KDM3A: variants seen among roughly 807,000 people sequenced by gnomAD.
The protein encoded by KDM3A is lysine-specific demethylase 3A.
Under a neutral mutation model 158.0 loss-of-function variants are expected in KDM3A, and 60 were observed. The ratio of observed to expected loss-of-function variants is 0.38; its 90% CI spans 0.31 to 0.47. KDM3A has a LOEUF of 0.47. Ranked by LOEUF, KDM3A falls within the 20% of genes least tolerant of loss-of-function variation. The probability of loss-of-function intolerance (pLI) is 0.99; values close to 1 mark genes in which losing one functional copy is unlikely to be tolerated. For missense variants in KDM3A, 1,319 were observed against 1,574.3 expected (o/e 0.84, Z 2.74); for synonymous variants, 608 against 549.3 (o/e 1.11, Z -1.49).
At chr2:86,472,543 A>G (rs1573186409) in intron 11 of KDM3A, among the ~76,000 whole-genome samples, 1 of 152,052 alleles carries the variant, frequency 6.6e-6, no homozygotes, top group Non-Finnish European at 1.5e-5. Context: ...TGTTATGACT[A>G]TCTCTAATTT....
chr2:86,441,722 A>G (rs940268716), intron 1 of KDM3A, among the ~76,000 whole-genome samples: 4 of 150,954 alleles, frequency 2.6e-5, no homozygotes, highest in Non-Finnish European at 4.4e-5. Context: ...GGGGCTGAGC[A>G]CTTTCAAATC....
chr2:86,452,306 G>A (rs907649179), intron 4 of KDM3A, among the ~76,000 whole-genome samples: 16 of 151,504 alleles, frequency 1.1e-4, no homozygotes, highest in East Asian at 1.9e-4. Flanking sequence ...AGCTTCATTC[G>A]TCTGAGTTAT....
At chr2:86,441,722 A>C (rs940268716) in intron 1 of KDM3A, among the ~76,000 whole-genome samples, 1 of 150,954 alleles carries the variant, frequency 6.6e-6, no homozygotes, top group East Asian at 1.9e-4. Flanking sequence ...GGGGCTGAGC[A>C]CTTTCAAATC....
At position 86,452,180 on chromosome 2, in the gene KDM3A, T is replaced by C. The variant is rs974649921; in HGVS notation, c.453+967T>C. ...GGTGTGCTTTTTGCAGTCTATTTAG[T>C]GCTGCATTTTTGTGCTTTTTTTTTT... On this transcript the variant is annotated intron_variant, in intron 4 of 25. Coordinates refer to ENST00000312912, the MANE Select transcript of KDM3A (RefSeq NM_018433.6). 2.7e-5 allele frequency among the ~76,000 whole-genome samples: 4 copies of C among 146,584 alleles called. No homozygotes were observed. In the Admixed American group the frequency reaches 2.8e-4, roughly 10 times the overall value.
intron 10 of KDM3A, among the ~76,000 whole-genome samples, chr2:86,468,425 A>G (rs1673254832): frequency 6.6e-6 from 1 of 152,214 alleles, no homozygotes; most frequent in African/African-American, 2.4e-5. Context: ...ATATTATGTG[A>G]CGAAACAGTA....
At chr2:86,442,594 G>A (rs1682779251) in intron 2 of KDM3A, 1 of 175,046 alleles carries the variant, frequency 5.7e-6, no homozygotes, top group East Asian at 1.5e-4. Flanking sequence ...AAGAATTGAA[G>A]GTTAGTGCTT....
chr2:86,439,053 C>A (rs112865260), upstream of KDM3A, among the ~76,000 whole-genome samples: 3 of 151,738 alleles, frequency 2.0e-5, no homozygotes, highest in African/African-American at 7.3e-5. Context: ...TTCTGTGGTA[C>A]GTAACTTATA....
chr2:86,461,258 T>G (rs1672917724), intron 8 of KDM3A, among the ~76,000 whole-genome samples: 1 of 152,148 alleles, frequency 6.6e-6, no homozygotes, highest in African/African-American at 2.4e-5. Context: ...TGAATCACCC[T>G]TGTAAAAATA....
At chr2:86,437,554 G>A (rs1682511068), upstream of KDM3A, among the ~76,000 whole-genome samples, 1 of 151,760 alleles carries the variant, frequency 6.6e-6, no homozygotes, top group Non-Finnish European at 1.5e-5. Context: ...ATATACACTG[G>A]GTCTGTTTCT....
chr2:86,442,420 C>T, intron 2 of KDM3A, 187 bp downstream of exon 2: 1 of 586,320 alleles, frequency 1.7e-6, no homozygotes, highest in Non-Finnish European at 3.0e-6. Flanking sequence ...GTTTGGCCCA[C>T]AGCTCCTGGC....
intron 11 of KDM3A, among the ~76,000 whole-genome samples, chr2:86,473,195 G>T (rs768352618): frequency 2.0e-5 from 3 of 152,166 alleles, no homozygotes; most frequent in Non-Finnish European, 4.4e-5. Context: ...ATCTTGCTCT[G>T]CTGCCCAGGC....
intron 4 of KDM3A, among the ~76,000 whole-genome samples, chr2:86,452,602 A>G (rs571220770): frequency 1.3e-5 from 2 of 152,182 alleles, no homozygotes; most frequent in Non-Finnish European, 2.9e-5. Context: ...CATCTTTTAG[A>G]TATCATTTAT....
intron 9 of KDM3A, among the ~76,000 whole-genome samples, chr2:86,464,932 G>C (rs1347302743): frequency 2.0e-5 from 3 of 152,194 alleles, no homozygotes; most frequent in Non-Finnish European, 4.4e-5. Flanking sequence ...CTGGGAAAAA[G>C]TAGTCAGTCT....
intron 9 of KDM3A, among the ~76,000 whole-genome samples, chr2:86,464,611 G>A (rs905402960): frequency 6.6e-6 from 1 of 152,200 alleles, no homozygotes; most frequent in Non-Finnish European, 1.5e-5. Flanking sequence ...ATTGACCCAA[G>A]TATAGTTGAG....
chr2:86,441,860 C>T, intron 1 of KDM3A, 158 bp from the exon 2 acceptor site: 2 of 168,332 alleles, frequency 1.2e-5, no homozygotes, highest in Non-Finnish European at 8.7e-6. Flanking sequence ...GGGAGGGCGG[C>T]GGGGGGCGGG....
intron 11 of KDM3A, among the ~76,000 whole-genome samples, chr2:86,473,022 C>G (rs1376737119): frequency 2.6e-5 from 4 of 152,200 alleles, no homozygotes; most frequent in Admixed American, 6.5e-5. Flanking sequence ...AGTCAGCAGT[C>G]AGCACTTCCT....
Position 86,477,977 on chromosome 2 carries a change from G to A in KDM3A, c.2040G>A (p.Gly680=), listed in dbSNP as rs142904861. Residue 680 remains glycine (G), a synonymous_variant, in exon 13 of 26, where the codon GGG becomes GGA. Coordinates refer to ENST00000312912, the MANE Select transcript of KDM3A (RefSeq NM_018433.6). ...TGCACTGGGTGTGTCCTCGGTGTGG[G>A]TTTGGAGTATGTGTGGACTGCTACC... ...FNLHWVCPRC[G]FGVCVDCYRM... 1.2e-5 allele frequency: 19 copies of A among 1,614,188 alleles called. No individual in the cohort carries two copies. In the African/African-American group the frequency reaches 2.4e-4, roughly 20 times the overall value.
chr2:86,437,839 G>A (rs138374865), upstream of KDM3A, among the ~76,000 whole-genome samples: 17 of 152,040 alleles, frequency 1.1e-4, no homozygotes, highest in Non-Finnish European at 1.9e-4. Context: ...TTTGATTTTC[G>A]TTTGTTGATC....
intron 23 of KDM3A, chr2:86,490,469 TGGATCAA>T (rs1010616504): frequency 2.6e-5 from 4 of 155,342 alleles, no homozygotes; most frequent in African/African-American, 9.6e-5. Context: ...TACCAGTTAC[TGGATCAA>T]GGATAAACAA....
Sources: allele counts gnomAD v4.1 joint callset (sites outside exome capture counted in the v4.1 genomes callset), GRCh38; gene constraint gnomAD v4.1.1; transcripts MANE v1.5; gene names NCBI Gene and HGNC (gene_info 2026-07-23, HGNC 2026-07-21).